ZNF609: variants seen among roughly 807,000 people sequenced by gnomAD.
The protein encoded by ZNF609 is zinc finger protein 609.
A neutral mutation model predicts 109.5 loss-of-function variants in ZNF609; 11 were observed. The ratio of observed to expected loss-of-function variants is 0.10; its 90% CI spans 0.06 to 0.17. The LOEUF (loss-of-function observed/expected upper bound fraction) is 0.17, where lower values mean the gene tolerates loss of function less well. Ranked by LOEUF, ZNF609 falls within the 10% of genes least tolerant of loss-of-function variation. The pLI is 1.00. For missense variants in ZNF609, 1,559 were observed against 1,772.4 expected, an observed-to-expected ratio of 0.88 and a Z score of 2.16; for synonymous variants, 646 against 662.0, an observed-to-expected ratio of 0.98 and a Z score of 0.37.
chr15:64,550,842 A>G (rs992693554), intron 2 of ZNF609, among the ~76,000 whole-genome samples: 16 of 150,830 alleles, frequency 1.1e-4, no homozygotes, highest in African/African-American at 3.9e-4. Context: ...GTCTCGGGAA[A>G]AAAAAAAAAA....
At chr15:64,506,134 C>T (rs553973493) in intron 2 of ZNF609, among the ~76,000 whole-genome samples, 2 of 151,906 alleles carry the variant, frequency 1.3e-5, no homozygotes, top group East Asian at 3.9e-4. Context: ...AGAAATAGCA[C>T]CTACATAAGT....
intron 2 of ZNF609, among the ~76,000 whole-genome samples, chr15:64,530,770 C>T (rs1197087756): frequency 6.6e-6 from 1 of 152,192 alleles, no homozygotes; most frequent in Non-Finnish European, 1.5e-5. Context: ...AACTTGACTG[C>T]AGTTCCTTTG....
At chr15:64,631,394 CTG>C in intron 3 of ZNF609, 1 of 730,614 alleles carries the variant, frequency 1.4e-6, no homozygotes, top group Non-Finnish European at 2.5e-6. Flanking sequence ...CTGGGGGACA[CTG>C]TAGACTCTTC....
intron 1 of ZNF609, among the ~76,000 whole-genome samples, chr15:64,469,202 G>T (rs1048866337): frequency 2.6e-5 from 4 of 151,980 alleles, no homozygotes; most frequent in Non-Finnish European, 5.9e-5. Flanking sequence ...GGTAGAAGTT[G>T]CAGTGAGCCG....
At position 64,631,593 on chromosome 15, in the gene ZNF609, C is replaced by T. The variant is rs545625217; in HGVS notation, c.973+8541C>T. On this transcript the variant is annotated intron_variant, in intron 3 of 9. Transcript: ENST00000326648. Reference sequence around the variant, plus strand: ...TGTTGCCCAGGCTGGAGTGCAATGGCGCAATCTCGGCTCACCACAATCTCC... The same window carrying T: ...TGTTGCCCAGGCTGGAGTGCAATGGTGCAATCTCGGCTCACCACAATCTCC... 3.3e-4 allele frequency: 145 copies of T among 436,102 alleles called. 1 individual carries two copies. The highest frequency in any genetic ancestry group is 2.1e-3 in the Middle Eastern group (3 of 1,454). The allele number at this position is 436,102 out of a possible 1,614,324, so 27.0% of individuals were successfully genotyped here.
intron 2 of ZNF609, among the ~76,000 whole-genome samples, chr15:64,519,133 C>CG (rs1291689692): frequency 3.2e-4 from 2 of 6,204 alleles, no homozygotes; most frequent in Non-Finnish European, 8.8e-4. Context: ...GGGCGGGGGG[C>CG]GGGGGCGGGT....
intron 1 of ZNF609, among the ~76,000 whole-genome samples, chr15:64,480,436 C>T (rs1375949608): frequency 4.0e-5 from 6 of 150,236 alleles, no homozygotes; most frequent in East Asian, 1.9e-4. Context: ...GAGGCTAAGG[C>T]GGGAGAATAG....
At chr15:64,511,030 T>A (rs2140357744) in intron 2 of ZNF609, among the ~76,000 whole-genome samples, 1 of 151,898 alleles carries the variant, frequency 6.6e-6, no homozygotes, top group Non-Finnish European at 1.5e-5. Flanking sequence ...AAAAAGTTTT[T>A]ATAAACTGGT....
At position 64,648,614 on chromosome 15, in the gene ZNF609, G is replaced by A. The variant is rs778204775; in HGVS notation, c.974-21732G>A. ...GATTGCTCTGAGTTTCCAGTTCCTC[G>A]TCTGTAAAATGGGAATGATTATACA... On this transcript the variant is annotated intron_variant, in intron 3 of 9. Coordinates refer to ENST00000326648, the MANE Select transcript of ZNF609 (RefSeq NM_015042.2). 1.3e-4 allele frequency among the ~76,000 whole-genome samples: 20 copies of A among 152,026 alleles called. No homozygotes were observed. The East Asian group carries it at 3.1e-3, about 23-fold the overall frequency.
At chr15:64,640,417 G>A (rs72742971) in intron 3 of ZNF609, among the ~76,000 whole-genome samples, 8,710 of 151,414 alleles carry the variant, frequency 0.058, 325 homozygotes, top group Non-Finnish European at 0.089. Context: ...TTTACTGAGA[G>A]TGAAAGGGTG....
At chr15:64,489,637 C>G (rs569447149) in intron 1 of ZNF609, among the ~76,000 whole-genome samples, 3 of 150,210 alleles carry the variant, frequency 2.0e-5, no homozygotes, top group Non-Finnish European at 3.0e-5. Flanking sequence ...TCAAGCGATT[C>G]TCCTGCCTCA....
intron 4 of ZNF609, 26 bp downstream of exon 4, chr15:64,670,459 A>G: frequency 6.3e-7 from 1 of 1,592,116 alleles, no homozygotes; most frequent in African/African-American, 1.3e-5. Context: ...TATTTAGTTT[A>G]TATTATTCTG....
chr15:64,498,366 A>G (rs931829239), intron 1 of ZNF609, among the ~76,000 whole-genome samples: 1 of 152,016 alleles, frequency 6.6e-6, no homozygotes, highest in African/African-American at 2.4e-5. Flanking sequence ...TGCACTTTTA[A>G]TACCCCATCA....
intron 3 of ZNF609, among the ~76,000 whole-genome samples, chr15:64,624,794 C>G (rs1364540895): frequency 1.3e-5 from 2 of 150,574 alleles, no homozygotes; most frequent in Non-Finnish European, 1.5e-5. Flanking sequence ...GAGTCTCACC[C>G]TGTCACCCAG....
At chr15:64,604,127 G>C (rs561071479) in intron 2 of ZNF609, among the ~76,000 whole-genome samples, 1 of 149,952 alleles carries the variant, frequency 6.7e-6, no homozygotes, top group East Asian at 2.0e-4. Flanking sequence ...TTAATTACTT[G>C]TTCACATTTG....
chr15:64,511,611 G>A (rs905528398), intron 2 of ZNF609, among the ~76,000 whole-genome samples: 4 of 151,878 alleles, frequency 2.6e-5, no homozygotes, highest in African/African-American at 7.3e-5. Context: ...TTTCTTGGTC[G>A]TGAGACAGCT....
chr15:64,488,772 CTA>C (rs1566996202), intron 1 of ZNF609, among the ~76,000 whole-genome samples: 3 of 152,038 alleles, frequency 2.0e-5, no homozygotes, highest in African/African-American at 4.8e-5. Context: ...TTCCCTGAGA[CTA>C]TGAATTTGAC....
At position 64,466,398 on chromosome 15, in the gene ZNF609, C is replaced by T. The variant is rs542390772; in HGVS notation, c.-128+5560C>T. ...GTTGTGTGCCCCTTCTCTTGAAACA[C>T]ATACACACACGACCTAATGGAATTC... is the stretch of plus-strand genomic sequence containing the variant. On this transcript the variant is annotated intron_variant, in intron 1 of 9. Coordinates refer to ENST00000326648, the MANE Select transcript of ZNF609 (RefSeq NM_015042.2). 2.0e-5 allele frequency among the ~76,000 whole-genome samples: 3 copies of T among 152,288 alleles called. No individual in the cohort carries two copies. In the East Asian group the frequency reaches 5.8e-4, roughly 29 times the overall value.
chr15:64,537,352 T>C (rs1483159565), intron 2 of ZNF609, among the ~76,000 whole-genome samples: 4 of 150,992 alleles, frequency 2.6e-5, no homozygotes, highest in African/African-American at 9.8e-5. Context: ...ACATACAAAA[T>C]TAGCCGGGTG....
Sources: gnomAD v4.1 joint callset for allele counts (sites outside exome capture counted in the v4.1 genomes callset) on GRCh38, gnomAD v4.1.1 for gene constraint, MANE v1.5 for transcripts, NCBI Gene and HGNC (gene_info 2026-07-23, HGNC 2026-07-21) for gene names.